CHRND: variants seen among roughly 807,000 people sequenced by gnomAD.
The protein encoded by CHRND is acetylcholine receptor subunit delta.
CHRND carries 40 observed loss-of-function variants against 57.8 expected under a neutral mutation model. The ratio of observed to expected loss-of-function variants is 0.69; its 90% CI spans 0.54 to 0.90. The LOEUF (loss-of-function observed/expected upper bound fraction) is 0.90, where lower values mean the gene tolerates loss of function less well. Ranked by LOEUF, CHRND falls within the 40% of genes least tolerant of loss-of-function variation. CHRND has a pLI of 0.00. For synonymous variants in CHRND, 237 were observed against 270.6 expected, an observed-to-expected ratio of 0.88 and a Z score of 1.22; for missense variants, 634 against 673.9, an observed-to-expected ratio of 0.94 and a Z score of 0.66.
At position 232,530,158 on chromosome 2, in the gene CHRND, T is replaced by C; in HGVS notation, c.820+19T>C. On this transcript the variant is annotated intron_variant, in intron 7 of 11. Coordinates refer to ENST00000258385, the MANE Select transcript of CHRND (RefSeq NM_000751.3). ...GCTGACAGTGAGCCTCCAGGCCCCG[T>C]CCCCTGCTCCCCCTCCCCAAGCCCA... 1 of 1,611,728 alleles carries C rather than the reference T, an allele frequency of 6.2e-7. No individual in the cohort carries two copies. The highest frequency in any genetic ancestry group is 8.5e-7 in the Non-Finnish European group (1 of 1,178,538).
At position 232,528,568 on chromosome 2, in the gene CHRND, T is replaced by C. The variant is rs1158134313; in HGVS notation, c.421T>C (p.Trp141Arg). 4 of 1,614,040 alleles carry C rather than the reference T, an allele frequency of 2.5e-6. No homozygotes were observed. The highest frequency in any genetic ancestry group is 1.7e-5 in the Admixed American group (1 of 60,004). Reference protein sequence around the residue: ...VLVYHYGFVYWLPPAIFRSSC... With the variant: ...VLVYHYGFVYRLPPAIFRSSC... ...TGTCTACCACTACGGCTTCGTGTAC[T>C]GGCTGCCACCTGCCATCTTCCGCTC... The change falls in exon 5 of 12, where the codon TGG becomes CGG. Residue 141 changes from tryptophan to arginine, a missense_variant. Transcript: ENST00000258385.
chr2:232,531,814 G>T (rs969634748), intron 9 of CHRND, among the ~76,000 whole-genome samples, 158 bp downstream of exon 9: 10 of 151,716 alleles, frequency 6.6e-5, no homozygotes, highest in Admixed American at 2.0e-4. Flanking sequence ...AGCCAAGTGT[G>T]GTGGCGCATG....
rs759490772 is a variant in CHRND, at chr2:232,531,482, C to T, written c.932+19C>T. The T allele has an allele frequency of 2.5e-6, 4 of 1,612,822 alleles. No individual in the cohort carries two copies. The highest frequency in any genetic ancestry group is 1.1e-5 in the South Asian group (1 of 91,064). On this transcript the variant is annotated intron_variant, in intron 8 of 11. Transcript: ENST00000258385. ...TCGGCAAGTGAGTGACGCTCAAGCC[C>T]GGCCTCACCCTGCTTGCCAGCCCAG...
At chr2:232,534,435 C>T (rs1223547953) in intron 11 of CHRND, 93 bp downstream of exon 11, 32 of 1,230,312 alleles carry the variant, frequency 2.6e-5, no homozygotes, top group Non-Finnish European at 3.5e-5. Flanking sequence ...CCCTTAGAGG[C>T]ACACACCAAC....
At chr2:232,528,433 C>G (rs1559294347) in intron 4 of CHRND, 62 bp downstream of exon 4, 1 of 1,613,748 alleles carries the variant, frequency 6.2e-7, no homozygotes, top group Non-Finnish European at 8.5e-7. Flanking sequence ...TAAGCCTCCT[C>G]TGCCTCCCCC....
At chr2:232,531,018 G>T (rs907869735) in intron 7 of CHRND, among the ~76,000 whole-genome samples, 4 of 152,184 alleles carry the variant, frequency 2.6e-5, no homozygotes, top group African/African-American at 9.7e-5. Flanking sequence ...AGTGGCGTGG[G>T]TGGGTTGTGA....
chr2:232,530,236 C>G, intron 7 of CHRND, 97 bp downstream of exon 7: 1 of 1,299,132 alleles, frequency 7.7e-7, no homozygotes, highest in Non-Finnish European at 1.1e-6. Flanking sequence ...TGGGAGCCAC[C>G]TGGGGTCTCC....
In CHRND at chr2:232,534,010, G is replaced by T. The variant is rs749866545; in HGVS notation, c.1127G>T (p.Arg376Leu). 2 of 1,614,044 alleles carry T rather than the reference G, an allele frequency of 1.2e-6. No individual in the cohort carries two copies. The highest frequency in any genetic ancestry group is 1.1e-5 in the South Asian group (1 of 91,084). The part of the protein sequence containing the change: ...EDGPSPGALV[R>L]RSSSLGYISK... Reference sequence around the variant, plus strand: ...GGACCCAGCCCTGGGGCCCTGGTGCGGAGGAGCAGCTCCCTGGGATACATC... The same window carrying T: ...GGACCCAGCCCTGGGGCCCTGGTGCTGAGGAGCAGCTCCCTGGGATACATC... The change falls in exon 10 of 12, where the codon CGG becomes CTG. Residue 376 changes from arginine to leucine, a missense_variant. Coordinates refer to ENST00000258385, the MANE Select transcript of CHRND (RefSeq NM_000751.3).
At chr2:232,533,609 C>T (rs559508409) in intron 9 of CHRND, among the ~76,000 whole-genome samples, 4 of 152,250 alleles carry the variant, frequency 2.6e-5, no homozygotes, top group Middle Eastern at 3.4e-3. Flanking sequence ...TGGCCAGACA[C>T]GGTGCCTCGC....
rs746661777 is a variant in CHRND at position 232,535,456 on chromosome 2, G to A, written c.*144G>A. On this transcript the variant is annotated 3_prime_UTR_variant, in exon 12 of 12. Coordinates refer to ENST00000258385, the MANE Select transcript of CHRND (RefSeq NM_000751.3). ...AGGGAGGGAGCAGCCACTCCTCAAT[G>A]CTCAATGGCTCCCCTGAAATCAAGA... 1.3e-5 allele frequency: 13 copies of A among 973,938 alleles called. No individual in the cohort carries two copies. Among genetic ancestry groups the A allele is most frequent in the Non-Finnish European group, 1.9e-5 (12 of 633,836 alleles). The allele number at this position is 973,938 out of a possible 1,614,324, so 60.3% of individuals were successfully genotyped here.
chr2:232,535,288 C>T lies in CHRND; in HGVS notation c.1530C>T (p.Asn510=), dbSNP rs114463490. The T allele has an allele frequency of 3.3e-4, 531 of 1,613,960 alleles. 1 individual carries two copies. The African/African-American group carries it at 5.4e-3, about 16-fold the overall frequency. Residue 510 remains asparagine (N), a synonymous_variant, in exon 12 of 12, where the codon AAC becomes AAT. Coordinates refer to ENST00000258385, the MANE Select transcript of CHRND (RefSeq NM_000751.3). ...TTCCTGGGGACCCCTACTCCTACAACGTGCAGGACAAGCGCTTCATCTAGG... is the reference window on the plus strand; with the variant it reads ...TTCCTGGGGACCCCTACTCCTACAATGTGCAGGACAAGCGCTTCATCTAGG... ...QPFPGDPYSY[N]VQDKRFI
At chr2:232,527,050 G>A (rs932807099) in intron 2 of CHRND, among the ~76,000 whole-genome samples, 1 of 152,212 alleles carries the variant, frequency 6.6e-6, no homozygotes, top group Non-Finnish European at 1.5e-5. Context: ...TGTAATCCCA[G>A]CACTTTGGGA....
In CHRND at chr2:232,536,064, C is replaced by T. The variant is rs906660862; in HGVS notation, c.*752C>T. On this transcript the variant is annotated 3_prime_UTR_variant, in exon 12 of 12. Coordinates refer to ENST00000258385, the MANE Select transcript of CHRND (RefSeq NM_000751.3). ...TATTCTAAAAAATCATTCGTTGTTT[C>T]TCTGAAATTTGTCCCCTATTTTTAT... is the stretch of plus-strand genomic sequence containing the variant. The T allele has an allele frequency of 2.2e-6, 1 of 454,022 alleles. No homozygotes were observed. Among genetic ancestry groups the T allele is most frequent in the Non-Finnish European group, 4.4e-6 (1 of 226,810 alleles). 28.1% of individuals were successfully genotyped at this position (454,022 alleles called of 1,614,324 possible).
At chr2:232,529,136 C>T (rs182724402) in intron 6 of CHRND, among the ~76,000 whole-genome samples, 165 bp downstream of exon 6, 12 of 152,246 alleles carry the variant, frequency 7.9e-5, no homozygotes, top group South Asian at 4.1e-4. Flanking sequence ...GACACATATC[C>T]GCCCACAGAG....
chr2:232,528,404 T>C, intron 4 of CHRND, 33 bp downstream of exon 4: 1 of 1,613,586 alleles, frequency 6.2e-7, no homozygotes, highest in Non-Finnish European at 8.5e-7. Context: ...CTCCCCTCTG[T>C]CACCCTGCCT....
chr2:232,531,372 G>C lies in CHRND; in HGVS notation c.841G>C (p.Ala281Pro). 1 of 1,613,692 alleles carries C rather than the reference G, an allele frequency of 6.2e-7. No homozygotes were observed. The highest frequency in any genetic ancestry group is 8.5e-7 in the Non-Finnish European group (1 of 1,179,862). The change falls in exon 8 of 12, where the codon GCC becomes CCC. Residue 281 changes from alanine (A) to proline (P), a missense_variant. Coordinates refer to ENST00000258385, the MANE Select transcript of CHRND (RefSeq NM_000751.3). ...CCCAGGTGGTGAGAAGACATCAGTG[G>C]CCATCTCGGTGCTCCTGGCTCAGTC... ...PADSGEKTSVAISVLLAQSVF... is the reference protein window; with the variant it reads ...PADSGEKTSVPISVLLAQSVF...
At position 232,527,560 on chromosome 2, in the gene CHRND, C is replaced by T. The variant is rs190197232; in HGVS notation, c.243+115C>T. ...GAGATCAAGACCATCTTGGCTGACA[C>T]GGTGAAACCCCGTCTCTACTAAAAA... On this transcript the variant is annotated intron_variant, in intron 3 of 11. Transcript: ENST00000258385. The T allele has an allele frequency of 5.2e-4, 415 of 803,314 alleles. 1 individual carries two copies. In the African/African-American group the frequency reaches 6.2e-3, roughly 12 times the overall value. 49.8% of individuals were successfully genotyped at this position (803,314 alleles called of 1,614,324 possible).
chr2:232,532,640 G>A (rs755918685), intron 9 of CHRND, among the ~76,000 whole-genome samples: 3 of 152,172 alleles, frequency 2.0e-5, no homozygotes, highest in Non-Finnish European at 2.9e-5. Flanking sequence ...ACAGTGTTCC[G>A]TGAAAGAAAC....
intron 9 of CHRND, among the ~76,000 whole-genome samples, chr2:232,533,326 ACT>A: frequency 6.6e-6 from 1 of 151,922 alleles, no homozygotes; most frequent in East Asian, 1.9e-4. Flanking sequence ...GGCCTTAGCA[ACT>A]CTTTTTGTCT....
Sources: gnomAD v4.1 joint callset for allele counts (sites outside exome capture counted in the v4.1 genomes callset) on GRCh38, gnomAD v4.1.1 for gene constraint, MANE v1.5 for transcripts, NCBI Gene and HGNC (gene_info 2026-07-23, HGNC 2026-07-21) for gene names.